ASIC2: variants seen among roughly 807,000 people sequenced by gnomAD.
ASIC2 encodes the protein acid-sensing ion channel 2.
A neutral mutation model predicts 57.3 loss-of-function variants in ASIC2; 25 were observed. That is an observed-to-expected ratio of 0.44 (90% CI 0.32 to 0.61). The LOEUF is 0.61. Among genes scored for constraint, ASIC2 ranks in the 20% least tolerant of loss-of-function variants. ASIC2 has a pLI of 0.06. For synonymous variants in ASIC2, 319 were observed against 307.5 expected (o/e 1.04, Z -0.39); for missense variants, 641 against 738.1 (o/e 0.87, Z 1.52).
intron 1 of ASIC2, among the ~76,000 whole-genome samples, chr17:34,137,653 T>C (rs1912161668): frequency 6.6e-6 from 1 of 152,200 alleles, no homozygotes; most frequent in Non-Finnish European, 1.5e-5. Context: ...AATAGAACAC[T>C]ATAAATTGGG....
At chr17:33,711,518 T>C (rs2142076458) in intron 1 of ASIC2, among the ~76,000 whole-genome samples, 1 of 152,324 alleles carries the variant, frequency 6.6e-6, no homozygotes, top group Admixed American at 6.5e-5. Context: ...ATTACTCTGT[T>C]CTCACACTGC....
intron 1 of ASIC2, among the ~76,000 whole-genome samples, chr17:33,360,223 T>TA (rs1325036948): frequency 6.6e-6 from 1 of 152,202 alleles, no homozygotes; most frequent in Non-Finnish European, 1.5e-5. Flanking sequence ...TATTTACATT[T>TA]AAAAAGAAAG....
In ASIC2 at chr17:34,039,102, C is replaced by A. The variant is rs967887438; in HGVS notation, c.555+116876G>T. The stretch of plus-strand genomic sequence containing the variant: ...ATCTATTTAATCGTTCCTTGTATTT[C>A]TCTAGCATCTTTTGCTGTTCATCAA... On this transcript the variant is annotated intron_variant, in intron 1 of 9. Transcript: ENST00000359872. 8.1e-6 allele frequency: 13 copies of A among 1,613,956 alleles called. No individual in the cohort carries two copies. In the Admixed American group the frequency reaches 2.0e-4, roughly 25 times the overall value.
At chr17:33,498,467 C>A (rs1914005941) in intron 1 of ASIC2, among the ~76,000 whole-genome samples, 1 of 152,194 alleles carries the variant, frequency 6.6e-6, no homozygotes, top group Non-Finnish European at 1.5e-5. Flanking sequence ...CATGACTATT[C>A]AGGAGGCGTT....
chr17:33,243,005 G>A (rs181116447), intron 1 of ASIC2, among the ~76,000 whole-genome samples: 5 of 152,200 alleles, frequency 3.3e-5, no homozygotes, highest in Admixed American at 6.5e-5. Context: ...CTGTTGCCGT[G>A]GCCAGATGGA....
At chr17:33,943,620 A>G (rs1175373786) in intron 1 of ASIC2, among the ~76,000 whole-genome samples, 1 of 150,946 alleles carries the variant, frequency 6.6e-6, no homozygotes, top group Non-Finnish European at 1.5e-5. Context: ...TTCCATTTAC[A>G]TTGACTTTCT....
At chr17:34,132,478 G>C (rs12948726) in intron 1 of ASIC2, among the ~76,000 whole-genome samples, 49,252 of 149,394 alleles carry the variant, frequency 0.33, 8,896 homozygotes, top group Middle Eastern at 0.45. Flanking sequence ...TCCTATCAGC[G>C]TGTCTTCAAG....
intron 1 of ASIC2, among the ~76,000 whole-genome samples, chr17:33,914,019 C>T (rs755545593): frequency 2.6e-5 from 4 of 152,164 alleles, no homozygotes; most frequent in African/African-American, 9.7e-5. Context: ...TAAACTTTAT[C>T]GCAGGGCGAG....
At chr17:34,009,040 G>C (rs966919802) in intron 1 of ASIC2, among the ~76,000 whole-genome samples, 14 of 152,168 alleles carry the variant, frequency 9.2e-5, no homozygotes, top group African/African-American at 2.9e-4. Context: ...ATTTGAGACA[G>C]AGATTTGTTA....
chr17:33,045,388 C>T (rs188523448), intron 3 of ASIC2, among the ~76,000 whole-genome samples: 32 of 152,286 alleles, frequency 2.1e-4, no homozygotes, highest in Non-Finnish European at 4.0e-4. Context: ...TCAGCGGCGC[C>T]GGAAGCATGT....
intron 1 of ASIC2, among the ~76,000 whole-genome samples, chr17:34,120,896 G>A (rs774557733): frequency 4.7e-5 from 7 of 150,342 alleles, no homozygotes; most frequent in Non-Finnish European, 7.4e-5. Context: ...CTGCCACCAC[G>A]CCTGGCTAAT....
intron 1 of ASIC2, among the ~76,000 whole-genome samples, chr17:33,330,176 T>G (rs1907254077): frequency 6.6e-6 from 1 of 152,208 alleles, no homozygotes; most frequent in Non-Finnish European, 1.5e-5. Flanking sequence ...AAGTCAGTGC[T>G]GCTCATTCTG....
chr17:33,691,018 GGATTACAGGCGT>G (rs1339097487), intron 1 of ASIC2, among the ~76,000 whole-genome samples: 2 of 151,844 alleles, frequency 1.3e-5, no homozygotes, highest in Non-Finnish European at 2.9e-5. Flanking sequence ...CAAAGTGCTG[GGATTACAGGCGT>G]GAAACACCGT....
chr17:33,371,672 C>T (rs1401852130), intron 1 of ASIC2, among the ~76,000 whole-genome samples: 2 of 149,870 alleles, frequency 1.3e-5, no homozygotes, highest in Non-Finnish European at 1.5e-5. Flanking sequence ...TGAAAACACT[C>T]GCAAACTATA....
intron 1 of ASIC2, among the ~76,000 whole-genome samples, chr17:34,108,392 TTTC>T (rs144824376): frequency 0.021 from 3,210 of 152,276 alleles, 119 homozygotes; most frequent in African/African-American, 0.073. Context: ...TTCCTTGTGA[TTTC>T]TTATTTGAAC....
At chr17:33,482,464 C>T (rs1913437402) in intron 1 of ASIC2, among the ~76,000 whole-genome samples, 2 of 152,236 alleles carry the variant, frequency 1.3e-5, no homozygotes, top group Non-Finnish European at 2.9e-5. Context: ...ACTGGATTTG[C>T]ATCCCCTATC....
intron 1 of ASIC2, among the ~76,000 whole-genome samples, chr17:33,564,971 A>T (rs960080761): frequency 1.2e-4 from 19 of 152,226 alleles, no homozygotes; most frequent in African/African-American, 4.3e-4. Context: ...TTAATTTAAC[A>T]TCTATAGAAA....
At chr17:33,125,360 T>C (rs190794108) in intron 1 of ASIC2, among the ~76,000 whole-genome samples, 22 of 152,356 alleles carry the variant, frequency 1.4e-4, no homozygotes. Flanking sequence ...CTAATATTTA[T>C]TCAGTATCCT....
At chr17:34,041,755 G>C (rs1908142492) in intron 1 of ASIC2, among the ~76,000 whole-genome samples, 1 of 152,212 alleles carries the variant, frequency 6.6e-6, no homozygotes, top group Non-Finnish European at 1.5e-5. Flanking sequence ...TCGCTTTCTA[G>C]AAGCTTAGAA....
Sources: gnomAD v4.1 joint callset for allele counts (sites outside exome capture counted in the v4.1 genomes callset) on GRCh38, gnomAD v4.1.1 for gene constraint, MANE v1.5 for transcripts, NCBI Gene and HGNC (gene_info 2026-07-23, HGNC 2026-07-21) for gene names.